Variants in SLC22A5 observed in about 807,000 individuals in gnomAD.
The protein encoded by SLC22A5 is solute carrier family 22 member 5, also known as organic cation/carnitine transporter 2.
Under a neutral mutation model 56.7 loss-of-function variants are expected in SLC22A5, and 44 were observed. That is an observed-to-expected ratio of 0.78 (90% CI 0.61 to 1.00). The LOEUF is 1.00. SLC22A5 is among the 50% of genes least tolerant of loss of function. The pLI, the probability that SLC22A5 is intolerant of heterozygous loss-of-function variation, is 0.00. For synonymous variants in SLC22A5, 278 were observed against 292.1 expected, an observed-to-expected ratio of 0.95 and a Z score of 0.49; for missense variants, 675 against 723.0, an observed-to-expected ratio of 0.93 and a Z score of 0.76.
intron 5 of SLC22A5, 22 bp from the exon 6 acceptor site, chr5:132,388,899 A>G (rs1469322353): frequency 2.7e-6 from 4 of 1,497,516 alleles, no homozygotes; most frequent in South Asian, 2.3e-5. Flanking sequence ...CTTCCCATAC[A>G]CTTATGATGT....
chr5:132,393,259 G>A (rs1251441102), intron 8 of SLC22A5, among the ~76,000 whole-genome samples: 2 of 151,398 alleles, frequency 1.3e-5, no homozygotes, highest in Non-Finnish European at 3.0e-5. Flanking sequence ...AAAGCACCCT[G>A]CCTAATCTGA....
chr5:132,369,986 A>G lies in SLC22A5; in HGVS notation c.14A>G (p.Asp5Gly). 6.2e-7 allele frequency: 1 copy of G among 1,613,098 alleles called. No individual in the cohort carries two copies. The highest frequency in any genetic ancestry group is 1.3e-5 in the African/African-American group (1 of 75,024). Residue 5 changes from aspartate to glycine, a missense_variant, in exon 1 of 10, where the codon GAC (aspartate) becomes GGC (glycine). Coordinates refer to ENST00000245407, the MANE Select transcript of SLC22A5 (RefSeq NM_003060.4). The stretch of plus-strand genomic sequence containing the variant: ...TCTGAGGGCGGCATGCGGGACTACG[A>G]CGAGGTGACCGCCTTCCTGGGCGAG... MRDYDEVTAFLGEWG... is the reference protein window; with the variant it reads MRDYGEVTAFLGEWG...
At chr5:132,381,867 C>G (rs1305104420) in intron 2 of SLC22A5, 1 of 152,174 alleles carries the variant, frequency 6.6e-6, no homozygotes, top group African/African-American at 2.4e-5. Context: ...TTCTCTGGAT[C>G]TGTCTCTTCC....
intron 4 of SLC22A5, among the ~76,000 whole-genome samples, chr5:132,386,811 C>G (rs1262959016): frequency 6.6e-6 from 1 of 152,204 alleles, no homozygotes; most frequent in Admixed American, 6.5e-5. Flanking sequence ...GTGCAGGGCT[C>G]TCCCATTTTT....
chr5:132,377,994 C>A, intron 1 of SLC22A5: 2 of 1,043,868 alleles, frequency 1.9e-6, no homozygotes, highest in Non-Finnish European at 2.7e-6. Context: ...ACTCCAGTGA[C>A]GTTCATGCCA....
At chr5:132,388,545 C>T (rs533591951) in intron 5 of SLC22A5, among the ~76,000 whole-genome samples, 1 of 152,142 alleles carries the variant, frequency 6.6e-6, no homozygotes, top group Non-Finnish European at 1.5e-5. Flanking sequence ...CAGCCAGGTA[C>T]TCTCTCTGAC....
intron 5 of SLC22A5, 136 bp downstream of exon 5, chr5:132,387,287 C>T (rs1431969145): frequency 2.1e-6 from 2 of 956,218 alleles, no homozygotes; most frequent in East Asian, 5.1e-5. Flanking sequence ...CCATTCCCCC[C>T]ATCCCCCCAC....
rs369443384 is a variant in SLC22A5 at position 132,371,615 on chromosome 5, T to C, written c.393+1250T>C. 4.9e-4 allele frequency among the ~76,000 whole-genome samples: 75 copies of C among 152,292 alleles called. 1 individual carries two copies. In the South Asian group the frequency reaches 0.015, roughly 30 times the overall value. On this transcript the variant is annotated intron_variant, in intron 1 of 9. Transcript: ENST00000245407. ...GTAGCCAGTGAATAGCCCTCATTGA[T>C]AGATAGGCTCACTAAATGTGCAGAT...
chr5:132,386,685 T>G (rs1264096578), intron 4 of SLC22A5, among the ~76,000 whole-genome samples: 3 of 152,120 alleles, frequency 2.0e-5, no homozygotes, highest in African/African-American at 7.2e-5. Flanking sequence ...GACATAGACA[T>G]GCACAGAAGC....
chr5:132,387,039 C>A lies in SLC22A5; in HGVS notation c.839C>A (p.Ser280Tyr), dbSNP rs386134208. Residue 280 changes from serine to tyrosine, a missense_variant, in exon 5 of 10, where the codon TCC (serine) becomes TAC (tyrosine). Physicochemically the swap from Ser to Tyr is moderately radical, Grantham distance 144. Transcript: ENST00000245407. Reference sequence around the variant, plus strand: ...TGTACTGCCAGGTTCATCCCTGAGTCCCCCCGATGGCTCATCTCTCAGGGA... The same window carrying A: ...TGTACTGCCAGGTTCATCCCTGAGTACCCCCGATGGCTCATCTCTCAGGGA... ...CVALWWFIPE[S>Y]PRWLISQGRF... The A allele has an allele frequency of 6.2e-7, 1 of 1,614,014 alleles. No individual in the cohort carries two copies. The highest frequency in any genetic ancestry group is 8.5e-7 in the Non-Finnish European group (1 of 1,179,878).
In SLC22A5 at chr5:132,375,761, G is replaced by A. The variant is rs184985895; in HGVS notation, c.394-2617G>A. On this transcript the variant is annotated intron_variant, in intron 1 of 9. Transcript: ENST00000245407. Reference sequence around the variant, plus strand: ...CATTTCTCCCCAGGAAGAGGGGCAAGTCTAGGCCCTTTGCCAGAGTTGCTC... The same window carrying A: ...CATTTCTCCCCAGGAAGAGGGGCAAATCTAGGCCCTTTGCCAGAGTTGCTC... Among the ~76,000 whole-genome samples the A allele has an allele frequency of 3.3e-3, 509 of 152,342 alleles. 4 individuals carry two copies. The highest frequency in any genetic ancestry group is 0.012 in the African/African-American group (484 of 41,576).
rs568127923 is a variant in SLC22A5 at position 132,370,399 on chromosome 5, G to A, written c.393+34G>A. On this transcript the variant is annotated intron_variant, in intron 1 of 9. Transcript: ENST00000245407. The stretch of plus-strand genomic sequence containing the variant: ...CGGCCCCTGCTGGGGCTGAGACCAG[G>A]GCTCGGAGGACCTGTCGCGGTCCTT... 5 of 1,607,354 alleles carry A rather than the reference G, an allele frequency of 3.1e-6. No individual in the cohort carries two copies. The East Asian group carries it at 8.9e-5, about 29-fold the overall frequency.
Position 132,372,950 on chromosome 5 carries a change from T to G in SLC22A5, c.393+2585T>G, listed in dbSNP as rs76661794. 2.0e-5 allele frequency among the ~76,000 whole-genome samples: 3 copies of G among 152,226 alleles called. No individual in the cohort carries two copies. The East Asian group carries it at 5.8e-4, about 29-fold the overall frequency. On this transcript the variant is annotated intron_variant, in intron 1 of 9. Transcript: ENST00000245407. ...CACTGGTATTGAATTACTAGTCATA[T>G]TTTTTCCACTGAAGACTGGAACCTC...
Position 132,392,538 on chromosome 5 carries a change from T to C in SLC22A5, c.1373T>C (p.Val458Ala), listed in dbSNP as rs753268767. Residue 458 changes from valine (V) to alanine (A), a missense_variant, in exon 8 of 10, where the codon GTG (valine) becomes GCG (alanine). Physicochemically the swap from Val to Ala is moderately conservative, Grantham distance 64. Transcript: ENST00000245407. ...VYTAELYPTV[V>A]RNMGVGVSST... is the part of the protein sequence containing the mutation. ...ACAGCCGAGCTGTATCCCACAGTGGTGAGAAACATGGGTGTGGGAGTCAGC... is the reference window on the plus strand; with the variant it reads ...ACAGCCGAGCTGTATCCCACAGTGGCGAGAAACATGGGTGTGGGAGTCAGC... The C allele has an allele frequency of 1.8e-5, 29 of 1,613,622 alleles. No individual in the cohort carries two copies. In the Admixed American group the frequency reaches 3.8e-4, roughly 21 times the overall value.
intron 2 of SLC22A5, chr5:132,378,886 G>A: frequency 3.9e-6 from 1 of 253,840 alleles, no homozygotes; most frequent in Non-Finnish European, 7.8e-6. Context: ...GTCTGCCTCT[G>A]TAGTCCCAAG....
intron 3 of SLC22A5, 130 bp downstream of exon 3, chr5:132,384,431 C>G: frequency 2.1e-6 from 2 of 971,654 alleles, no homozygotes; most frequent in Middle Eastern, 3.0e-4. Flanking sequence ...GCCAGAGCTT[C>G]CTGGTGAACC....
At position 132,378,047 on chromosome 5, in the gene SLC22A5, C is replaced by T; in HGVS notation, c.394-331C>T. On this transcript the variant is annotated intron_variant, in intron 1 of 9. Coordinates refer to ENST00000245407, the MANE Select transcript of SLC22A5 (RefSeq NM_003060.4). ...GAGCGAGGGTGCCCTGCCTCTTCCA[C>T]AGCCCTGGGCTCCGCTCAGATTTTT... 4 of 1,487,954 alleles carry T rather than the reference C, an allele frequency of 2.7e-6. 1 individual carries two copies. In the South Asian group the frequency reaches 4.1e-5, roughly 15 times the overall value. 92.2% of individuals were successfully genotyped at this position (1,487,954 alleles called of 1,614,324 possible).
chr5:132,385,156 C>T (rs1301892308), intron 3 of SLC22A5, among the ~76,000 whole-genome samples, 172 bp from the exon 4 acceptor site: 2 of 152,190 alleles, frequency 1.3e-5, no homozygotes, highest in African/African-American at 4.8e-5. Context: ...GATGTACCCC[C>T]AGGAGACAGT....
Position 132,394,419 on chromosome 5 carries a change from C to A in SLC22A5, c.*147C>A, listed in dbSNP as rs1041733876. The A allele has an allele frequency of 1.4e-6, 1 of 731,580 alleles. No individual in the cohort carries two copies. Among genetic ancestry groups the A allele is most frequent in the African/African-American group, 1.7e-5 (1 of 57,406 alleles). 45.3% of individuals were successfully genotyped at this position (731,580 alleles called of 1,614,324 possible). On this transcript the variant is annotated 3_prime_UTR_variant, in exon 10 of 10. Transcript: ENST00000245407. Reference sequence around the variant, plus strand: ...GTCTGACTTGCTCCTGGATGGGCACCCACACTCAGAGGCTACATATGGCCC... The same window carrying A: ...GTCTGACTTGCTCCTGGATGGGCACACACACTCAGAGGCTACATATGGCCC...
Sources: gnomAD v4.1 joint callset for allele counts (sites outside exome capture counted in the v4.1 genomes callset) on GRCh38, gnomAD v4.1.1 for gene constraint, MANE v1.5 for transcripts, NCBI Gene and HGNC (gene_info 2026-07-23, HGNC 2026-07-21) for gene names.